SCLT1: variants seen among roughly 807,000 people sequenced by gnomAD.
SCLT1 encodes sodium channel-associated protein 1.
SCLT1 carries 78 observed loss-of-function variants against 112.8 expected under a neutral mutation model. The ratio of observed to expected loss-of-function variants is 0.69; its 90% CI spans 0.58 to 0.83. The LOEUF is 0.83. SCLT1 is among the 40% of genes least tolerant of loss of function. The pLI, the probability that SCLT1 is intolerant of heterozygous loss-of-function variation, is 0.00. For synonymous variants in SCLT1, 257 were observed against 254.7 expected (o/e 1.01, Z -0.09); for missense variants, 747 against 770.4 (o/e 0.97, Z 0.36).
At chr4:128,932,763 T>C (rs988880073) in intron 18 of SCLT1, among the ~76,000 whole-genome samples, 8 of 152,118 alleles carry the variant, frequency 5.3e-5, no homozygotes, top group African/African-American at 1.7e-4. Flanking sequence ...AAACTGTATG[T>C]TCAAAACACA....
At chr4:128,931,427 T>C (rs1390593741) in intron 18 of SCLT1, among the ~76,000 whole-genome samples, 1 of 152,174 alleles carries the variant, frequency 6.6e-6, no homozygotes, top group Non-Finnish European at 1.5e-5. Flanking sequence ...CAAATGCAGA[T>C]ATATTTCATT....
At chr4:128,952,727 TA>T (rs1738861915) in intron 14 of SCLT1, 41 bp downstream of exon 14, 1 of 1,065,498 alleles carries the variant, frequency 9.4e-7, no homozygotes, top group African/African-American at 1.6e-5. Flanking sequence ...GCCTTTAAAA[TA>T]AGTAATATTT....
intron 5 of SCLT1, among the ~76,000 whole-genome samples, chr4:129,007,651 G>T (rs891182747): frequency 6.6e-6 from 1 of 152,000 alleles, no homozygotes; most frequent in Non-Finnish European, 1.5e-5. Context: ...TTAAAAGCAT[G>T]TAATTGTGGG....
intron 4 of SCLT1, chr4:129,040,060 C>G (rs553407104): frequency 1.6e-6 from 1 of 633,268 alleles, no homozygotes; most frequent in East Asian, 2.7e-5. Flanking sequence ...AGTACACTTT[C>G]GCAAGGGCCA....
intron 15 of SCLT1, among the ~76,000 whole-genome samples, chr4:128,948,281 A>G (rs1393505999): frequency 7.1e-6 from 1 of 140,018 alleles, no homozygotes; most frequent in Non-Finnish European, 1.5e-5. Context: ...GGTTGCAGTG[A>G]GCCGAGATCA....
chr4:128,969,627 C>T (rs899691521), intron 10 of SCLT1, among the ~76,000 whole-genome samples: 1 of 152,022 alleles, frequency 6.6e-6, no homozygotes, highest in Non-Finnish European at 1.5e-5. Flanking sequence ...TAGCCCTAAA[C>T]TTTGACCTGG....
chr4:128,894,363 AACACACACACACAC>A (rs10522940), intron 18 of SCLT1, among the ~76,000 whole-genome samples: 10,198 of 142,960 alleles, frequency 0.071, 905 homozygotes, highest in African/African-American at 0.2. Context: ...TTGAGTAAGT[AACACACACACACAC>A]ACACACACAC....
At position 128,959,681 on chromosome 4, in the gene SCLT1, T is replaced by G; in HGVS notation, c.966A>C (p.Leu322Phe). ...CAATAGCCTCATATCTCTCATTTTC[T>G]AATTCATTGCACTTTGCTTGTAGCT... Reference protein sequence around the residue: ...TRELQAKCNELENERYEAIVR... With the variant: ...TRELQAKCNEFENERYEAIVR... The change falls in exon 12 of 21, where the codon TTA (leucine) becomes TTC (phenylalanine). Residue 322 changes from leucine (L) to phenylalanine (F), a missense_variant. By Grantham distance (22) the Leu-to-Phe change is conservative. Coordinates refer to ENST00000281142, the MANE Select transcript of SCLT1 (RefSeq NM_144643.4). 6.2e-7 allele frequency: 1 copy of G among 1,613,522 alleles called. No homozygotes were observed. The highest frequency in any genetic ancestry group is 8.5e-7 in the Non-Finnish European group (1 of 1,179,566).
chr4:128,936,788 T>C lies in SCLT1; in HGVS notation c.1696A>G (p.Met566Val), dbSNP rs755965227. The C allele has an allele frequency of 1.1e-5, 17 of 1,607,436 alleles. No homozygotes were observed. Among genetic ancestry groups the C allele is most frequent in the African/African-American group, 2.7e-5 (2 of 74,752 alleles). ...ERGFEVQLRE[M>V]EDSNRNSIVE... The stretch of plus-strand genomic sequence containing the variant: ...ATGGAATTTCTATTACTGTCTTCCA[T>C]CTCTCTCAATTGAACTTCAAATCCA... Residue 566 changes from methionine to valine, a missense_variant, in exon 18 of 21, where the codon ATG (methionine) becomes GTG (valine). Physicochemically the swap from Met to Val is conservative, Grantham distance 21. Around this residue, in one of 2 missense-constraint regions of SCLT1, gnomAD observed 723 missense variants for 721.3 expected, o/e 1.00. Coordinates refer to ENST00000281142, the MANE Select transcript of SCLT1 (RefSeq NM_144643.4).
chr4:128,935,868 T>C (rs538657466), intron 18 of SCLT1, among the ~76,000 whole-genome samples: 2 of 152,256 alleles, frequency 1.3e-5, no homozygotes, highest in Admixed American at 6.5e-5. Context: ...TGTATGTTAA[T>C]GATTCACAAG....
intron 5 of SCLT1, among the ~76,000 whole-genome samples, chr4:129,022,179 G>C (rs1211897022): frequency 1.3e-5 from 2 of 152,166 alleles, no homozygotes; most frequent in African/African-American, 4.8e-5. Context: ...AATCCATGAA[G>C]ATGAGGAAAA....
rs1489379908 is a variant in SCLT1, at chr4:129,039,083, T to C, written c.248A>G (p.Glu83Gly). 2.5e-6 allele frequency: 4 copies of C among 1,598,556 alleles called. No individual in the cohort carries two copies. The highest frequency in any genetic ancestry group is 2.7e-5 in the African/African-American group (2 of 74,640). Residue 83 changes from glutamate to glycine, a missense_variant, in exon 5 of 21, where the codon GAG (glutamate) becomes GGG (glycine). Physicochemically the swap from Glu to Gly is moderately conservative, Grantham distance 98. Coordinates refer to ENST00000281142, the MANE Select transcript of SCLT1 (RefSeq NM_144643.4). ...GACATTTTCAAGTTGTAATTTCATC[T>C]CACCCACCTGTTTCTGAAAGAATAA... is the stretch of plus-strand genomic sequence containing the variant. ...QLKYYQKQVG[E>G]MKLQLENVIK... is the part of the protein sequence containing the mutation.
chr4:128,881,866 C>G (rs1440173459), downstream of SCLT1, among the ~76,000 whole-genome samples: 1 of 152,114 alleles, frequency 6.6e-6, no homozygotes, highest in Non-Finnish European at 1.5e-5. Flanking sequence ...ATAGCTTAAG[C>G]CTGTTCAAAT....
At chr4:129,028,435 C>T (rs113387113) in intron 5 of SCLT1, among the ~76,000 whole-genome samples, 74,866 of 147,402 alleles carry the variant, frequency 0.51, 20,673 homozygotes, top group South Asian at 0.66. Flanking sequence ...GAAAGGATTC[C>T]CTATTTAATA....
At chr4:128,986,173 G>A (rs1263814447) in intron 9 of SCLT1, among the ~76,000 whole-genome samples, 13 of 152,150 alleles carry the variant, frequency 8.5e-5, no homozygotes, top group Non-Finnish European at 1.9e-4. Flanking sequence ...GCTAGGGGGA[G>A]GGAGAGTGAA....
intron 5 of SCLT1, among the ~76,000 whole-genome samples, chr4:129,025,438 C>A (rs1359899226): frequency 2.0e-5 from 3 of 152,158 alleles, no homozygotes; most frequent in African/African-American, 7.2e-5. Flanking sequence ...AATTTCATAT[C>A]CAGCCAAACT....
At chr4:129,016,324 C>T (rs1744990548) in intron 5 of SCLT1, among the ~76,000 whole-genome samples, 1 of 112,884 alleles carries the variant, frequency 8.9e-6, no homozygotes, top group African/African-American at 2.7e-5. Context: ...GCTTTCCTCC[C>T]CCATCCCCCC....
chr4:128,981,925 G>A (rs190165079), intron 9 of SCLT1, among the ~76,000 whole-genome samples: 10 of 152,098 alleles, frequency 6.6e-5, no homozygotes, highest in African/African-American at 1.9e-4. Context: ...TGACATGATC[G>A]GACATATTTT....
At chr4:128,985,038 T>C (rs1158212067) in intron 9 of SCLT1, among the ~76,000 whole-genome samples, 1 of 152,184 alleles carries the variant, frequency 6.6e-6, no homozygotes, top group Non-Finnish European at 1.5e-5. Flanking sequence ...CATCTTTACA[T>C]GTAAATATGT....
Sources: allele counts gnomAD v4.1 joint callset (sites outside exome capture counted in the v4.1 genomes callset), GRCh38; gene constraint gnomAD v4.1.1; regional missense constraint gnomAD v4.1.1; transcripts MANE v1.5; gene names NCBI Gene and HGNC (gene_info 2026-07-23, HGNC 2026-07-21).